Variants in ZNF277 observed in about 807,000 individuals in gnomAD.
ZNF277 encodes zinc finger protein 277, also known as nuclear receptor-interacting factor 4.
Under a neutral mutation model 60.7 loss-of-function variants are expected in ZNF277, and 55 were observed. The observed-to-expected ratio is 0.91, with a 90% CI of 0.73 to 1.13. The LOEUF is 1.13. Ranked by LOEUF, ZNF277 falls within the 50% of genes most tolerant of loss-of-function variation. The pLI, the probability that ZNF277 is intolerant of heterozygous loss-of-function variation, is 0.00. For missense variants in ZNF277, 510 were observed against 523.0 expected, an observed-to-expected ratio of 0.98 and a Z score of 0.24; for synonymous variants, 178 against 179.3, an observed-to-expected ratio of 0.99 and a Z score of 0.06.
intron 1 of ZNF277, among the ~76,000 whole-genome samples, chr7:112,212,631 T>A (rs1454905711): frequency 1.3e-5 from 2 of 152,224 alleles, no homozygotes; most frequent in African/African-American, 4.8e-5. Flanking sequence ...CTGCCTGCTC[T>A]TTGATACTGT....
At chr7:112,306,090 C>T (rs1202015887) in intron 4 of ZNF277, among the ~76,000 whole-genome samples, 1 of 151,982 alleles carries the variant, frequency 6.6e-6, no homozygotes, top group Non-Finnish European at 1.5e-5. Context: ...TTCTTGACCA[C>T]GTACTATTTA....
At chr7:112,278,727 T>C (rs1448597525) in intron 1 of ZNF277, among the ~76,000 whole-genome samples, 1 of 152,182 alleles carries the variant, frequency 6.6e-6, no homozygotes, top group Admixed American at 6.5e-5. Flanking sequence ...TCTCCTGCTC[T>C]CCATTTTTTA....
chr7:112,292,682 C>A (rs1192693567), intron 2 of ZNF277, among the ~76,000 whole-genome samples: 1 of 152,138 alleles, frequency 6.6e-6, no homozygotes, highest in Admixed American at 6.5e-5. Flanking sequence ...GCCAGAGAGA[C>A]AAAGTTCACA....
At chr7:112,291,583 A>T (rs773873389) in intron 2 of ZNF277, among the ~76,000 whole-genome samples, 9 of 152,174 alleles carry the variant, frequency 5.9e-5, no homozygotes, top group Non-Finnish European at 1.2e-4. Flanking sequence ...GAAGAGAAGT[A>T]CTAAATGAGC....
chr7:112,303,479 T>C (rs1437045877), intron 4 of ZNF277, among the ~76,000 whole-genome samples: 1 of 152,114 alleles, frequency 6.6e-6, no homozygotes, highest in Non-Finnish European at 1.5e-5. Context: ...CTTGAGTTTA[T>C]ACAGGAAAAT....
intron 1 of ZNF277, among the ~76,000 whole-genome samples, chr7:112,269,374 G>T (rs1386247459): frequency 6.6e-6 from 1 of 151,860 alleles, no homozygotes; most frequent in Non-Finnish European, 1.5e-5. Context: ...TCACTGTATG[G>T]CATTTATGTG....
At chr7:112,254,233 A>G (rs916118302) in intron 1 of ZNF277, among the ~76,000 whole-genome samples, 3 of 152,238 alleles carry the variant, frequency 2.0e-5, no homozygotes, top group African/African-American at 7.2e-5. Flanking sequence ...ATGTTGGTAT[A>G]CAGCCATGGT....
intron 5 of ZNF277, among the ~76,000 whole-genome samples, chr7:112,320,577 A>G (rs1792954660): frequency 6.6e-6 from 1 of 152,158 alleles, no homozygotes; most frequent in African/African-American, 2.4e-5. Flanking sequence ...ACAAGGATAG[A>G]GTAATGAGTA....
At chr7:112,256,835 TAGA>T (rs1474173992) in intron 1 of ZNF277, among the ~76,000 whole-genome samples, 1 of 151,518 alleles carries the variant, frequency 6.6e-6, no homozygotes, top group Non-Finnish European at 1.5e-5. Flanking sequence ...TCAGAATTGT[TAGA>T]AATAGACCAT....
At chr7:112,292,805 C>A (rs181033464) in intron 2 of ZNF277, among the ~76,000 whole-genome samples, 2 of 152,160 alleles carry the variant, frequency 1.3e-5, no homozygotes, top group Non-Finnish European at 2.9e-5. Flanking sequence ...ACCACTTTAG[C>A]CACCTATATG....
rs186832973 is a variant in ZNF277 at position 112,297,128 on chromosome 7, C to T, written c.465+817C>T. On this transcript the variant is annotated intron_variant, in intron 4 of 11. Transcript: ENST00000361822. ...ATTTTTAGTAGAGATGGGGTTTCAC[C>T]GTATTAGCAAGGATGGTCTCGATCT... Among the ~76,000 whole-genome samples, 61 of 150,978 alleles carry T rather than the reference C, an allele frequency of 4.0e-4. 1 individual carries two copies. In the East Asian group the frequency reaches 0.01, roughly 25 times the overall value.
In ZNF277 at chr7:112,258,735, G is replaced by C. The variant is rs73424419; in HGVS notation, c.92-28138G>C. Among the ~76,000 whole-genome samples, 1,392 of 151,950 alleles carry C rather than the reference G, an allele frequency of 9.2e-3. 17 individuals are homozygous for C. Among genetic ancestry groups the C allele is most frequent in the African/African-American group, 0.032 (1,319 of 41,478 alleles). ...GAAGTTTAAAATAATCTTATCTATG[G>C]GGAAAATTTCTTATTTAGCATTTAT... On this transcript the variant is annotated intron_variant, in intron 1 of 11. Transcript: ENST00000361822.
chr7:112,279,890 T>C (rs777159148), intron 1 of ZNF277, among the ~76,000 whole-genome samples: 11 of 152,034 alleles, frequency 7.2e-5, no homozygotes, highest in Non-Finnish European at 1.5e-4. Flanking sequence ...AGGAGAAGGA[T>C]GGATTGGTTG....
At chr7:112,259,467 A>G (rs986556746) in intron 1 of ZNF277, among the ~76,000 whole-genome samples, 1 of 152,164 alleles carries the variant, frequency 6.6e-6, no homozygotes, top group South Asian at 2.1e-4. Flanking sequence ...AGCCGCAGAT[A>G]CTTCCCGAAG....
chr7:112,340,264 TGAG>T (rs879293278), intron 10 of ZNF277, among the ~76,000 whole-genome samples: 1 of 152,182 alleles, frequency 6.6e-6, no homozygotes, highest in Admixed American at 6.5e-5. Flanking sequence ...AAAAATGTTA[TGAG>T]GAGTGAATAA....
intron 1 of ZNF277, 139 bp from the exon 2 acceptor site, chr7:112,286,734 A>G (rs1291490747): frequency 1.1e-5 from 8 of 702,814 alleles, no homozygotes; most frequent in Admixed American, 8.9e-5. Context: ...ACTCTCCAGC[A>G]CTATGTATTT....
intron 1 of ZNF277, among the ~76,000 whole-genome samples, chr7:112,216,609 CTG>C (rs1439121453): frequency 4.6e-5 from 7 of 152,192 alleles, no homozygotes; most frequent in Non-Finnish European, 1.0e-4. Flanking sequence ...TTCCGACTGA[CTG>C]TGATTTTAGA....
At chr7:112,265,491 C>A (rs1366563431) in intron 1 of ZNF277, among the ~76,000 whole-genome samples, 1 of 152,156 alleles carries the variant, frequency 6.6e-6, no homozygotes, top group Admixed American at 6.5e-5. Flanking sequence ...CACAGATCGC[C>A]ATATCAGATA....
At chr7:112,212,629 T>C (rs1821780408) in intron 1 of ZNF277, among the ~76,000 whole-genome samples, 1 of 152,202 alleles carries the variant, frequency 6.6e-6, no homozygotes, top group African/African-American at 2.4e-5. Context: ...AACTGCCTGC[T>C]CTTTGATACT....
Sources: gnomAD v4.1 joint callset for allele counts (sites outside exome capture counted in the v4.1 genomes callset) on GRCh38, gnomAD v4.1.1 for gene constraint, MANE v1.5 for transcripts, NCBI Gene and HGNC (gene_info 2026-07-23, HGNC 2026-07-21) for gene names.